The following GRM7 variants were observed in gnomAD, a reference collection of about 807,000 sequenced individuals.
The protein encoded by GRM7 is metabotropic glutamate receptor 7.
In GRM7, 35 loss-of-function variants were observed where a neutral mutation model predicts 84.5. The observed-to-expected ratio is 0.41, with a 90% CI of 0.32 to 0.55. GRM7 has a LOEUF of 0.55. Among genes scored for constraint, GRM7 ranks in the 20% least tolerant of loss-of-function variants. The pLI is 0.19. For missense variants in GRM7, 1,003 were observed against 1,194.6 expected, an observed-to-expected ratio of 0.84 and a Z score of 2.36; for synonymous variants, 487 against 455.1, an observed-to-expected ratio of 1.07 and a Z score of -0.89.
chr3:7,230,648 C>T (rs758602490), intron 2 of GRM7, among the ~76,000 whole-genome samples: 7 of 152,132 alleles, frequency 4.6e-5, no homozygotes, highest in Non-Finnish European at 7.3e-5. Context: ...TATGGGTCAG[C>T]GGCTTAATGC....
At chr3:7,370,997 T>A (rs1694107729) in intron 4 of GRM7, among the ~76,000 whole-genome samples, 1 of 152,196 alleles carries the variant, frequency 6.6e-6, no homozygotes. Context: ...TATCTGTATA[T>A]GTTGCTAACT....
At chr3:7,518,459 T>A (rs188833410) in intron 7 of GRM7, among the ~76,000 whole-genome samples, 1 of 152,338 alleles carries the variant, frequency 6.6e-6, no homozygotes, top group African/African-American at 2.4e-5. Flanking sequence ...AGGTTTCAGT[T>A]ACTGTGATCT....
intron 1 of GRM7, among the ~76,000 whole-genome samples, chr3:7,080,557 A>C (rs1698243353): frequency 6.6e-6 from 1 of 152,016 alleles, no homozygotes; most frequent in Admixed American, 6.6e-5. Flanking sequence ...AATCTAGCAC[A>C]ATGCCCTTTC....
intron 7 of GRM7, among the ~76,000 whole-genome samples, chr3:7,537,158 G>A (rs1194123394): frequency 6.6e-6 from 1 of 152,168 alleles, no homozygotes; most frequent in African/African-American, 2.4e-5. Context: ...GTGTAAACTT[G>A]AGCATGATTA....
Position 7,384,994 on chromosome 3 carries a change from C to A in GRM7, c.1034-30029C>A, listed in dbSNP as rs950016347. Among the ~76,000 whole-genome samples, 31 of 152,170 alleles carry A rather than the reference C, an allele frequency of 2.0e-4. 2 individuals carry two copies. The highest frequency in any genetic ancestry group is 1.0e-4 in the Non-Finnish European group (7 of 68,038). On this transcript the variant is annotated intron_variant, in intron 4 of 9. Transcript: ENST00000357716. ...TAACAATTTTACTTTCCTTTGTAAACTGCCTTTAAATGAAACATATTTCAT... is the reference window on the plus strand; with the variant it reads ...TAACAATTTTACTTTCCTTTGTAAAATGCCTTTAAATGAAACATATTTCAT...
At chr3:7,522,418 T>C (rs1364507584) in intron 7 of GRM7, among the ~76,000 whole-genome samples, 1 of 152,116 alleles carries the variant, frequency 6.6e-6, no homozygotes, top group Non-Finnish European at 1.5e-5. Context: ...ATATGTACCA[T>C]CTTATCTATG....
intron 8 of GRM7, among the ~76,000 whole-genome samples, chr3:7,587,291 A>G (rs73019894): frequency 0.17 from 25,539 of 152,200 alleles, 2,412 homozygotes; most frequent in Middle Eastern, 0.3. Flanking sequence ...ATTTGTAATG[A>G]TATTACAATT....
chr3:7,419,474 A>T (rs528884237), intron 5 of GRM7, among the ~76,000 whole-genome samples: 1 of 152,268 alleles, frequency 6.6e-6, no homozygotes, highest in Admixed American at 6.5e-5. Flanking sequence ...AACACTCAAC[A>T]TCTCATATCC....
chr3:7,103,749 CCTTTCT>C (rs1412211694), intron 1 of GRM7, among the ~76,000 whole-genome samples: 3 of 96,662 alleles, frequency 3.1e-5, no homozygotes, highest in Non-Finnish European at 2.0e-5. Context: ...TCTCTCTCTC[CCTTTCT>C]TTCTTTCTTT....
At chr3:7,631,946 C>G (rs1381907273) in intron 8 of GRM7, among the ~76,000 whole-genome samples, 1 of 152,076 alleles carries the variant, frequency 6.6e-6, no homozygotes, top group Non-Finnish European at 1.5e-5. Flanking sequence ...GAGAGTGGAA[C>G]TAATATACGT....
At chr3:7,278,420 C>G (rs979691403) in intron 2 of GRM7, among the ~76,000 whole-genome samples, 3 of 151,980 alleles carry the variant, frequency 2.0e-5, no homozygotes, top group African/African-American at 7.2e-5. Context: ...AATAACTGTG[C>G]AGTATGCCCA....
chr3:7,271,481 C>A (rs1698856714), intron 2 of GRM7, among the ~76,000 whole-genome samples: 2 of 149,494 alleles, frequency 1.3e-5, no homozygotes, highest in Non-Finnish European at 3.0e-5. Flanking sequence ...ATGGCGTGAA[C>A]CCGGGAGGCG....
At chr3:7,330,162 C>T (rs993676267) in intron 4 of GRM7, among the ~76,000 whole-genome samples, 2 of 152,168 alleles carry the variant, frequency 1.3e-5, no homozygotes, top group East Asian at 1.9e-4. Context: ...AAGCACACTT[C>T]AGTCAGTTTG....
intron 7 of GRM7, chr3:7,519,709 CT>C (rs1394253454): frequency 6.6e-6 from 1 of 152,186 alleles, no homozygotes. Flanking sequence ...AAGAATTGTT[CT>C]GATGCTTAGT....
At chr3:7,368,819 A>G (rs563952776) in intron 4 of GRM7, among the ~76,000 whole-genome samples, 203 of 152,242 alleles carry the variant, frequency 1.3e-3, no homozygotes, top group Non-Finnish European at 2.4e-3. Flanking sequence ...CTTGATTCCC[A>G]TCGTATCTCT....
chr3:6,890,539 G>A (rs9868299), intron 1 of GRM7, among the ~76,000 whole-genome samples: 3,883 of 152,268 alleles, frequency 0.026, 182 homozygotes, highest in African/African-American at 0.087. Context: ...TAGTTGAGCG[G>A]TTTTGAGTGA....
chr3:7,403,162 G>T, intron 4 of GRM7: 1 of 446,676 alleles, frequency 2.2e-6, no homozygotes, highest in South Asian at 1.6e-5. Context: ...CTTTCTTTCT[G>T]TCATTGCCTG....
intron 8 of GRM7, among the ~76,000 whole-genome samples, chr3:7,670,198 C>CAAAG (rs1288481977): frequency 6.6e-6 from 1 of 152,070 alleles, no homozygotes; most frequent in African/African-American, 2.4e-5. Flanking sequence ...GGCAGGAAAA[C>CAAAG]AAAGACATAT....
In GRM7 at chr3:7,298,665, G is replaced by A. The variant is rs1256870376; in HGVS notation, c.737-19G>A. ...TCTGTGGAAACATTATTGACACTAT[G>A]TTTTCTTCTCTTAAACAGGTGGACT... On this transcript the variant is annotated intron_variant, in intron 2 of 9. Transcript: ENST00000357716. 5 of 1,609,376 alleles carry A rather than the reference G, an allele frequency of 3.1e-6. No individual in the cohort carries two copies. Among genetic ancestry groups the A allele is most frequent in the South Asian group, 1.1e-5 (1 of 90,846 alleles).
Sources: allele counts gnomAD v4.1 joint callset (sites outside exome capture counted in the v4.1 genomes callset), GRCh38; gene constraint gnomAD v4.1.1; transcripts MANE v1.5; gene names NCBI Gene and HGNC (gene_info 2026-07-23, HGNC 2026-07-21).